Variants in GNPTAB observed in about 807,000 individuals in gnomAD.
The protein encoded by GNPTAB is N-acetylglucosamine-1-phosphate transferase subunits alpha and beta, also known as N-acetylglucosamine-1-phosphotransferase subunits alpha/beta.
A neutral mutation model predicts 136.6 loss-of-function variants in GNPTAB; 92 were observed. The ratio of observed to expected loss-of-function variants is 0.67; its 90% confidence interval spans 0.57 to 0.80. The LOEUF (loss-of-function observed/expected upper bound fraction) is 0.80. GNPTAB is among the 30% of genes least tolerant of loss of function. The probability of loss-of-function intolerance (pLI) is 0.00; values close to 1 mark genes in which losing one functional copy is unlikely to be tolerated. For missense variants in GNPTAB, 1,343 were observed against 1,501.8 expected, an observed-to-expected ratio of 0.89 and a Z score of 1.75; for synonymous variants, 512 against 535.1, an observed-to-expected ratio of 0.96 and a Z score of 0.60.
At position 101,780,263 on chromosome 12, in the gene GNPTAB, T is replaced by C. The variant is rs759476195; in HGVS notation, c.660A>G (p.Gly220=). ...GYLTTDKEVP[G]LVLMQDLAFL... ...AAGCCAAATCTTGCATTAGCACTAA[T>C]CCAGGGACTTCTTTATCTGTTGTCT... Residue 220 remains glycine, a synonymous_variant, in exon 7 of 21, where the codon GGA becomes GGG. Coordinates refer to ENST00000299314, the MANE Select transcript of GNPTAB (RefSeq NM_024312.5). 1 of 1,613,820 alleles carries C rather than the reference T, an allele frequency of 6.2e-7. No individual in the cohort carries two copies. Among genetic ancestry groups the C allele is most frequent in the Admixed American group, 1.7e-5 (1 of 60,002 alleles).
At position 101,753,547 on chromosome 12, in the gene GNPTAB, A is replaced by T; in HGVS notation, c.3435-8T>A. 6.2e-7 allele frequency: 1 copy of T among 1,611,164 alleles called. No homozygotes were observed. Among genetic ancestry groups the T allele is most frequent in the Non-Finnish European group, 8.5e-7 (1 of 1,177,876 alleles). On this transcript the variant is annotated splice_polypyrimidine_tract_variant and splice_region_variant and intron_variant, in intron 18 of 20. Coordinates refer to ENST00000299314, the MANE Select transcript of GNPTAB (RefSeq NM_024312.5). ...TTCAGGCAAACAAACTTCCTGAAATAACAGAGAGCCAGGGTTATTAGTTAC... is the reference window on the plus strand; with the variant it reads ...TTCAGGCAAACAAACTTCCTGAAATTACAGAGAGCCAGGGTTATTAGTTAC...
intron 18 of GNPTAB, chr12:101,756,886 T>A (rs1286155356): frequency 4.3e-6 from 1 of 233,898 alleles, no homozygotes; most frequent in African/African-American, 2.3e-5. Context: ...AAGTACCTTT[T>A]TAGAAATGCC....
intron 1 of GNPTAB, among the ~76,000 whole-genome samples, chr12:101,821,490 A>G (rs1191395732): frequency 6.6e-6 from 1 of 152,234 alleles, no homozygotes; most frequent in African/African-American, 2.4e-5. Context: ...CTTCTGAGGC[A>G]GCAAAATACA....
At position 101,817,098 on chromosome 12, in the gene GNPTAB, T is replaced by G. The variant is rs1156748545; in HGVS notation, c.117+13461A>C. Reference sequence around the variant, plus strand: ...GATTGGCTAATAGGTACAAAAATAGTTAGATAGTCCTGGTGTTCGACAGCA... The same window carrying G: ...GATTGGCTAATAGGTACAAAAATAGGTAGATAGTCCTGGTGTTCGACAGCA... On this transcript the variant is annotated intron_variant, in intron 1 of 20. Transcript: ENST00000299314. Among the ~76,000 whole-genome samples the G allele has an allele frequency of 2.0e-5, 3 of 150,312 alleles. No individual in the cohort carries two copies. In the East Asian group the frequency reaches 5.8e-4, roughly 29 times the overall value.
intron 16 of GNPTAB, 73 bp downstream of exon 16, chr12:101,759,957 A>C: frequency 1.1e-6 from 1 of 900,490 alleles, no homozygotes; most frequent in Non-Finnish European, 1.9e-6. Flanking sequence ...GAAGTGCTAT[A>C]CAGAAATGCT....
intron 4 of GNPTAB, among the ~76,000 whole-genome samples, chr12:101,787,637 G>A (rs75909837): frequency 0.036 from 5,486 of 152,098 alleles, 335 homozygotes; most frequent in African/African-American, 0.13. Flanking sequence ...TTCTGAGGCC[G>A]GATGCGGTGA....
In GNPTAB at chr12:101,786,180, T is replaced by C; in HGVS notation, c.403A>G (p.Lys135Glu). Reference sequence around the variant, plus strand: ...GGGTCCAGGACAAGCATTGGCACCTTAATGCAGTGTGTTAGCAAACACTCT... The same window carrying C: ...GGGTCCAGGACAAGCATTGGCACCTCAATGCAGTGTGTTAGCAAACACTCT... ...QLECLLTHCI[K>E]VPMLVLDPAL... Residue 135 changes from lysine to glutamate, a missense_variant, in exon 5 of 21, where the codon AAG becomes GAG. Physicochemically the swap from Lys to Glu is moderately conservative, Grantham distance 56. Coordinates refer to ENST00000299314, the MANE Select transcript of GNPTAB (RefSeq NM_024312.5). 1 of 1,613,940 alleles carries C rather than the reference T, an allele frequency of 6.2e-7. No individual in the cohort carries two copies. The highest frequency in any genetic ancestry group is 8.5e-7 in the Non-Finnish European group (1 of 1,179,916).
chr12:101,769,451 A>G (rs1013383755), intron 10 of GNPTAB, among the ~76,000 whole-genome samples: 2 of 152,208 alleles, frequency 1.3e-5, no homozygotes, highest in African/African-American at 4.8e-5. Context: ...CGTAGTAGAA[A>G]ATTGAGATGG....
rs1953062970 is a variant in GNPTAB at position 101,764,896 on chromosome 12, C to T, written c.2021G>A (p.Arg674His). Residue 674 changes from arginine to histidine, a missense_variant, in exon 13 of 21, where the codon CGC becomes CAC. By Grantham distance (29) the Arg-to-His change is conservative. Coordinates refer to ENST00000299314, the MANE Select transcript of GNPTAB (RefSeq NM_024312.5). ...ATCATGTCTCTTAAACTTCGGGAAG[C>T]GTTTTTCTTTGGGAATATCCTCAAA... is the stretch of plus-strand genomic sequence containing the variant. ...ILFEDIPKEK[R>H]FPKFKRHDVN... is the part of the protein sequence containing the mutation. 4 of 1,614,112 alleles carry T rather than the reference C, an allele frequency of 2.5e-6. No individual in the cohort carries two copies. Among genetic ancestry groups the T allele is most frequent in the East Asian group, 2.2e-5 (1 of 44,880 alleles).
intron 2 of GNPTAB, among the ~76,000 whole-genome samples, chr12:101,792,397 C>A (rs1264828155): frequency 6.6e-6 from 1 of 152,168 alleles, no homozygotes; most frequent in Non-Finnish European, 1.5e-5. Flanking sequence ...TCACCTTATT[C>A]TCTGGCATAT....
At chr12:101,795,950 T>C (rs1869257452) in intron 2 of GNPTAB, 1 of 343,648 alleles carries the variant, frequency 2.9e-6, no homozygotes, top group Non-Finnish European at 5.2e-6. Context: ...GTCTGTCTTG[T>C]GAAGAGGAAA....
rs764963548 is a variant in GNPTAB at position 101,764,313 on chromosome 12, A to C, written c.2604T>G (p.Asn868Lys). 6.2e-7 allele frequency: 1 copy of C among 1,613,818 alleles called. No individual in the cohort carries two copies. The highest frequency in any genetic ancestry group is 8.5e-7 in the Non-Finnish European group (1 of 1,179,958). The change falls in exon 13 of 21, where the codon AAT (asparagine) becomes AAG (lysine). Residue 868 changes from asparagine to lysine, a missense_variant. Transcript: ENST00000299314. ...GTAACACTTCAGTAACGCCTATGTG[A>C]TTTTCAGCATTTTCCTCCATTCTAC... ...ENSRMEENAE[N>K]HIGVTEVLLG...
At chr12:101,760,195 G>A (rs781239015) in intron 15 of GNPTAB, 52 bp from the exon 16 acceptor site, 27 of 1,128,400 alleles carry the variant, frequency 2.4e-5, no homozygotes, top group Middle Eastern at 2.0e-4. Context: ...AGTAATGACT[G>A]TGGTTTTAAA....
intron 1 of GNPTAB, among the ~76,000 whole-genome samples, chr12:101,824,405 C>CATATATATATATATATATATATATATAT (rs373112951): frequency 4.2e-5 from 2 of 47,820 alleles, no homozygotes; most frequent in African/African-American, 1.2e-4. Flanking sequence ...GAAATTTCAC[C>CATATATATATATATATATATATATATAT]ATATATATAT....
rs190385494 is a variant in GNPTAB at position 101,776,928 on chromosome 12, C to G, written c.771+3224G>C. On this transcript the variant is annotated intron_variant, in intron 7 of 20. Coordinates refer to ENST00000299314, the MANE Select transcript of GNPTAB (RefSeq NM_024312.5). ...GCGAGGGCAAAGTGGTTCAACAGTT[C>G]AAGTCTTGAAGTCCAATGTCTAACA... is the stretch of plus-strand genomic sequence containing the variant. Among the ~76,000 whole-genome samples the G allele has an allele frequency of 5.3e-5, 8 of 152,352 alleles. No individual in the cohort carries two copies. The East Asian group carries it at 1.5e-3, about 29-fold the overall frequency.
At position 101,788,536 on chromosome 12, in the gene GNPTAB, C is replaced by A; in HGVS notation, c.365+12G>T. 1 of 1,507,410 alleles carries A rather than the reference C, an allele frequency of 6.6e-7. No individual in the cohort carries two copies. The highest frequency in any genetic ancestry group is 1.1e-5 in the South Asian group (1 of 88,828). The allele number at this position is 1,507,410 out of a possible 1,614,324, so 93.4% of individuals were successfully genotyped here. A position where few individuals can be genotyped will look rare whatever the true frequency, so the allele number is the denominator to read the frequency against. On this transcript the variant is annotated intron_variant, in intron 4 of 20. Coordinates refer to ENST00000299314, the MANE Select transcript of GNPTAB (RefSeq NM_024312.5). ...TCACTTTTTACTCTTGAGAGGAAAT[C>A]AAAATGCTTACCTCTTCTTAGTAGG...
intron 1 of GNPTAB, among the ~76,000 whole-genome samples, chr12:101,819,863 C>T (rs1870710221): frequency 6.6e-6 from 1 of 152,196 alleles, no homozygotes; most frequent in Admixed American, 6.5e-5. Context: ...AGGAAGCCTA[C>T]ATATATTAGT....
At chr12:101,810,981 C>A (rs1870199736) in intron 1 of GNPTAB, among the ~76,000 whole-genome samples, 1 of 152,194 alleles carries the variant, frequency 6.6e-6, no homozygotes, top group Non-Finnish European at 1.5e-5. Flanking sequence ...TGCAGCAGTT[C>A]TGAGCCTACA....
intron 5 of GNPTAB, among the ~76,000 whole-genome samples, chr12:101,782,649 T>C (rs928069185): frequency 1.3e-5 from 2 of 152,210 alleles, no homozygotes; most frequent in Non-Finnish European, 2.9e-5. Flanking sequence ...TCACATTACA[T>C]TTCTACTCAA....
Sources: gnomAD v4.1 joint callset for allele counts (sites outside exome capture counted in the v4.1 genomes callset) on GRCh38, gnomAD v4.1.1 for gene constraint, MANE v1.5 for transcripts, NCBI Gene and HGNC (gene_info 2026-07-23, HGNC 2026-07-21) for gene names.